Variants in VAV3 observed in about 807,000 individuals in gnomAD.
VAV3 encodes vav guanine nucleotide exchange factor 3, also known as guanine nucleotide exchange factor VAV3.
In VAV3, 94 loss-of-function variants were observed where a neutral mutation model predicts 131.2. That is an observed-to-expected ratio of 0.72 (90% CI 0.61 to 0.85). The LOEUF (loss-of-function observed/expected upper bound fraction) is 0.85. VAV3 is among the 40% of genes least tolerant of loss of function. VAV3 has a pLI of 0.00. For synonymous variants in VAV3, 349 were observed against 342.0 expected (o/e 1.02, Z -0.22); for missense variants, 939 against 1,002.7 (o/e 0.94, Z 0.86).
chr1:107,920,843 A>G (rs933845948), intron 1 of VAV3, among the ~76,000 whole-genome samples: 1 of 152,200 alleles, frequency 6.6e-6, no homozygotes, highest in African/African-American at 2.4e-5. Flanking sequence ...AGGCATATAT[A>G]TATCTCCTTT....
chr1:107,865,835 C>A (rs939220758), intron 2 of VAV3, among the ~76,000 whole-genome samples: 4 of 152,286 alleles, frequency 2.6e-5, no homozygotes, highest in East Asian at 1.9e-4. Flanking sequence ...GGAAAAGCCA[C>A]TTCCTGATGG....
chr1:107,710,450 T>G (rs1660720851), intron 15 of VAV3, among the ~76,000 whole-genome samples: 1 of 152,176 alleles, frequency 6.6e-6, no homozygotes, highest in Non-Finnish European at 1.5e-5. Flanking sequence ...CATAGCTTTG[T>G]GTGTGTTGCT....
At chr1:107,873,446 TGAAAATAAA>T (rs1670342015) in intron 2 of VAV3, among the ~76,000 whole-genome samples, 1 of 151,588 alleles carries the variant, frequency 6.6e-6, no homozygotes, top group South Asian at 2.1e-4. Flanking sequence ...AAAGAGAGGG[TGAAAATAAA>T]GAAAAATCAA....
intron 2 of VAV3, among the ~76,000 whole-genome samples, chr1:107,799,459 CA>C (rs1666725560): frequency 6.6e-6 from 1 of 151,792 alleles, no homozygotes; most frequent in African/African-American, 2.4e-5. Flanking sequence ...TGAACCAAGT[CA>C]AAAAAGAAGG....
At chr1:107,578,977 C>T (rs893392664) in intron 25 of VAV3, 9 of 912,440 alleles carry the variant, frequency 9.9e-6, no homozygotes, top group Non-Finnish European at 1.2e-5. Flanking sequence ...GATAAGATAA[C>T]CTATCTGTAA....
intron 15 of VAV3, among the ~76,000 whole-genome samples, chr1:107,728,594 C>CGTATATGTATATGTATAT (rs1475395280): frequency 1.4e-5 from 1 of 69,262 alleles, no homozygotes; most frequent in African/African-American, 4.5e-5. Flanking sequence ...CATATGTATA[C>CGTATATGTATATGTATAT]GTATACGTAT....
intron 19 of VAV3, among the ~76,000 whole-genome samples, chr1:107,657,299 A>G (rs1001356676): frequency 2.6e-5 from 4 of 152,202 alleles, no homozygotes; most frequent in African/African-American, 9.7e-5. Context: ...TTATGAAACA[A>G]AACAATTTAA....
intron 25 of VAV3, among the ~76,000 whole-genome samples, chr1:107,593,851 A>G (rs1328198): frequency 1 from 151,757 of 152,204 alleles, 75,657 homozygotes; most frequent in Non-Finnish European, 1. Flanking sequence ...ATAGGAAAGT[A>G]CTGTGTTAGA....
intron 20 of VAV3, among the ~76,000 whole-genome samples, chr1:107,629,897 G>A (rs144692382): frequency 6.6e-6 from 1 of 152,232 alleles, no homozygotes; most frequent in East Asian, 1.9e-4. Flanking sequence ...TGGAAAACAT[G>A]ACAGTCTACT....
intron 1 of VAV3, among the ~76,000 whole-genome samples, chr1:107,896,250 G>C (rs953918610): frequency 1.3e-5 from 2 of 152,112 alleles, no homozygotes; most frequent in African/African-American, 4.8e-5. Context: ...AATTGATAAA[G>C]CTCTCCACTT....
At chr1:107,858,996 TTTG>T (rs1669609717) in intron 2 of VAV3, among the ~76,000 whole-genome samples, 2 of 152,190 alleles carry the variant, frequency 1.3e-5, no homozygotes, top group African/African-American at 2.4e-5. Context: ...TTTTCTCTTT[TTTG>T]TTGTTGTTTA....
intron 24 of VAV3, 40 bp from the exon 25 acceptor site, chr1:107,596,381 C>T (rs3748702): frequency 0.38 from 614,371 of 1,603,390 alleles, 120,037 homozygotes; most frequent in Middle Eastern, 0.41. Flanking sequence ...GATAAGGATA[C>T]TTTTGTTCTC....
chr1:107,578,825 C>T lies in VAV3; in HGVS notation c.2351-4627G>A, dbSNP rs974976821. On this transcript the variant is annotated intron_variant, in intron 25 of 26. Coordinates refer to ENST00000370056, the MANE Select transcript of VAV3 (RefSeq NM_006113.5). ...AAAGAAATAAAACACTATATTTCTCCAAAATTTTCAATGAAGGTAATTTAC... is the reference window on the plus strand; with the variant it reads ...AAAGAAATAAAACACTATATTTCTCTAAAATTTTCAATGAAGGTAATTTAC... The T allele has an allele frequency of 9.1e-6, 9 of 984,668 alleles. 1 individual carries two copies. Among genetic ancestry groups the T allele is most frequent in the Middle Eastern group, 5.2e-4 (1 of 1,932 alleles). The allele number at this position is 984,668 out of a possible 1,614,324, so 61.0% of individuals were successfully genotyped here.
chr1:107,770,784 C>T (rs966218629), intron 5 of VAV3, 56 bp from the exon 6 acceptor site: 23 of 1,406,100 alleles, frequency 1.6e-5, no homozygotes, highest in Admixed American at 8.1e-5. Context: ...ATTAACCTAT[C>T]GGGAAGTAGA....
chr1:107,937,790 A>C (rs548310967), intron 1 of VAV3, among the ~76,000 whole-genome samples: 3 of 152,212 alleles, frequency 2.0e-5, no homozygotes, highest in Non-Finnish European at 4.4e-5. Flanking sequence ...TTATTAACAC[A>C]ATATAATGAC....
chr1:107,838,698 C>T (rs1020713946), intron 2 of VAV3, among the ~76,000 whole-genome samples: 3 of 152,158 alleles, frequency 2.0e-5, no homozygotes, highest in Non-Finnish European at 4.4e-5. Context: ...GACATGAAAT[C>T]AACCCAAGTG....
At chr1:107,715,087 G>A (rs1361166611) in intron 15 of VAV3, among the ~76,000 whole-genome samples, 3 of 151,912 alleles carry the variant, frequency 2.0e-5, no homozygotes, top group African/African-American at 4.8e-5. Context: ...TGTGGCTTTT[G>A]GCCCATAAAC....
At chr1:107,728,634 TA>T in intron 15 of VAV3, among the ~76,000 whole-genome samples, 1 of 128,660 alleles carries the variant, frequency 7.8e-6, no homozygotes, top group Non-Finnish European at 1.8e-5. Context: ...TGTATATGTA[TA>T]TGTATATGTA....
In VAV3 at chr1:107,825,457, GA is replaced by G. The variant is rs543209345; in HGVS notation, c.322-45966del. Among the ~76,000 whole-genome samples the G allele has an allele frequency of 8.7e-3, 1,267 of 145,178 alleles. 13 individuals are homozygous for G. The highest frequency in any genetic ancestry group is 0.026 in the African/African-American group (1,043 of 39,896). On this transcript the variant is annotated intron_variant, in intron 2 of 26. Coordinates refer to ENST00000370056, the MANE Select transcript of VAV3 (RefSeq NM_006113.5). ...AATGTCAAAGATAGTACCCTCGCGG[GA>G]AAAAAAAAAACTGCCTAAGCCTATT...
Sources: allele counts gnomAD v4.1 joint callset (sites outside exome capture counted in the v4.1 genomes callset), GRCh38; gene constraint gnomAD v4.1.1; transcripts MANE v1.5; gene names NCBI Gene and HGNC (gene_info 2026-07-23, HGNC 2026-07-21).